RAF1: variants seen among roughly 807,000 people sequenced by gnomAD.
RAF1 encodes RAF proto-oncogene serine/threonine-protein kinase.
A neutral mutation model predicts 81.1 loss-of-function variants in RAF1; 27 were observed. The observed-to-expected ratio is 0.33, with a 90% CI of 0.25 to 0.46. The LOEUF (loss-of-function observed/expected upper bound fraction) is 0.46, where lower values mean the gene tolerates loss of function less well. Ranked by LOEUF, RAF1 falls within the 20% of genes least tolerant of loss-of-function variation. The pLI, the probability that RAF1 is intolerant of heterozygous loss-of-function variation, is 1.00. For synonymous variants in RAF1, 298 were observed against 294.0 expected, an observed-to-expected ratio of 1.01 and a Z score of -0.14; for missense variants, 598 against 826.0, an observed-to-expected ratio of 0.72 and a Z score of 3.38.
chr3:12,654,857 G>A (rs2060636971), intron 1 of RAF1, among the ~76,000 whole-genome samples: 2 of 150,892 alleles, frequency 1.3e-5, no homozygotes, highest in Admixed American at 6.6e-5. Flanking sequence ...GTTCTGGTTT[G>A]CCCATTACAT....
At chr3:12,662,849 T>C (rs1329708640) in intron 1 of RAF1, among the ~76,000 whole-genome samples, 2 of 152,044 alleles carry the variant, frequency 1.3e-5, no homozygotes, top group East Asian at 1.9e-4. Flanking sequence ...TCACACTGCA[T>C]TGTTTTCACG....
chr3:12,620,904 GT>G lies in RAF1; in HGVS notation c.-26-2158del, dbSNP rs1249932415. 6.3e-3 allele frequency among the ~76,000 whole-genome samples: 32 copies of G among 5,104 alleles called. No homozygotes were observed. In the African/African-American group the frequency reaches 0.11, roughly 17 times the overall value. The allele number at this position is 5,104 out of a possible 152,430, so 3.3% of individuals were successfully genotyped here. On this transcript the variant is annotated intron_variant, in intron 1 of 17. Coordinates refer to ENST00000442415, the MANE Select transcript of RAF1 (RefSeq NM_001354689.3). ...TCTACCATAACATTCAGAGTTCAGA[GT>G]TCAGTTCATTCAGAGTTCAGAGTTC...
intron 11 of RAF1, among the ~76,000 whole-genome samples, chr3:12,594,387 G>A (rs1412709357): frequency 1.3e-5 from 2 of 152,140 alleles, no homozygotes; most frequent in East Asian, 1.9e-4. Flanking sequence ...CTGGATGATC[G>A]CTCAGGGGGA....
chr3:12,642,833 G>A (rs922849866), intron 1 of RAF1, among the ~76,000 whole-genome samples: 2 of 151,184 alleles, frequency 1.3e-5, no homozygotes, highest in African/African-American at 4.9e-5. Context: ...GCTGCAGAGA[G>A]CCATGATCAC....
intron 1 of RAF1, among the ~76,000 whole-genome samples, chr3:12,656,789 G>A (rs1278556793): frequency 1.3e-5 from 2 of 152,094 alleles, no homozygotes; most frequent in Non-Finnish European, 2.9e-5. Context: ...CTGCAGTCAG[G>A]AGTTCAAGAC....
At chr3:12,598,328 G>A (rs963171435) in intron 11 of RAF1, among the ~76,000 whole-genome samples, 3 of 152,100 alleles carry the variant, frequency 2.0e-5, no homozygotes, top group Non-Finnish European at 4.4e-5. Context: ...ATTTTCAAAG[G>A]AAAAGGAATC....
At chr3:12,662,901 A>T (rs1197993124) in intron 1 of RAF1, among the ~76,000 whole-genome samples, 1 of 152,090 alleles carries the variant, frequency 6.6e-6, no homozygotes, top group African/African-American at 2.4e-5. Context: ...CACTCAGCCC[A>T]CAGAGGACCA....
At chr3:12,608,498 C>T (rs889944763) in intron 5 of RAF1, 15 of 495,150 alleles carry the variant, frequency 3.0e-5, no homozygotes, top group Admixed American at 1.7e-4. Context: ...TATCCTTTTG[C>T]TCCTTTCCTT....
intron 1 of RAF1, among the ~76,000 whole-genome samples, chr3:12,660,928 C>T (rs1008075662): frequency 6.6e-6 from 1 of 152,100 alleles, no homozygotes; most frequent in Non-Finnish European, 1.5e-5. Flanking sequence ...GAGCCAAGAT[C>T]GCACCACTGC....
At chr3:12,617,473 G>C (rs973639180) in intron 2 of RAF1, among the ~76,000 whole-genome samples, 2 of 152,116 alleles carry the variant, frequency 1.3e-5, no homozygotes, top group East Asian at 1.9e-4. Flanking sequence ...GACTGGTCTC[G>C]AACTCCTGAG....
chr3:12,605,250 A>ATATG (rs1553613998), intron 6 of RAF1, among the ~76,000 whole-genome samples: 3,308 of 144,592 alleles, frequency 0.023, 60 homozygotes, highest in Middle Eastern at 0.029. Flanking sequence ...ATTACACATT[A>ATATG]TGTGTGTGTG....
chr3:12,585,648 C>T (rs1179659186), intron 15 of RAF1, 33 bp downstream of exon 14: 6 of 1,544,526 alleles, frequency 3.9e-6, no homozygotes, highest in Non-Finnish European at 5.4e-6. Flanking sequence ...TTGCCCTATA[C>T]CAGAGACTGC....
At chr3:12,657,377 G>T (rs774224159) in intron 1 of RAF1, among the ~76,000 whole-genome samples, 1 of 152,150 alleles carries the variant, frequency 6.6e-6, no homozygotes, top group African/African-American at 2.4e-5. Flanking sequence ...AAAGGAGAAC[G>T]TAGAATAACT....
chr3:12,599,044 T>G (rs1246415857), intron 11 of RAF1: 3 of 152,546 alleles, frequency 2.0e-5, no homozygotes, highest in Non-Finnish European at 2.9e-5. Context: ...AGAGAAATGC[T>G]AAGTATGTTG....
At chr3:12,647,287 C>G (rs559107673) in intron 1 of RAF1, among the ~76,000 whole-genome samples, 1 of 105,436 alleles carries the variant, frequency 9.5e-6, no homozygotes, top group Admixed American at 1.1e-4. Context: ...CAGAGCGAGA[C>G]TCCATCTCAA....
At chr3:12,630,930 A>C (rs964671830) in intron 1 of RAF1, among the ~76,000 whole-genome samples, 1 of 152,196 alleles carries the variant, frequency 6.6e-6, no homozygotes, top group Non-Finnish European at 1.5e-5. Flanking sequence ...CAGCCTCCTG[A>C]GTAGCTGGGA....
chr3:12,638,027 C>CT (rs2060080886), intron 1 of RAF1, among the ~76,000 whole-genome samples: 1 of 152,136 alleles, frequency 6.6e-6, no homozygotes, highest in Non-Finnish European at 1.5e-5. Context: ...CAAGTGTATC[C>CT]TACCCTTCCC....
chr3:12,631,258 G>C (rs1164548453), intron 1 of RAF1, among the ~76,000 whole-genome samples: 1 of 152,142 alleles, frequency 6.6e-6, no homozygotes, highest in Non-Finnish European at 1.5e-5. Flanking sequence ...CTGGGCAGAA[G>C]AACTGTAAAA....
At chr3:12,591,948 G>A (rs1222625337) in intron 11 of RAF1, 156 bp from the exon 11 acceptor site, 34 of 675,682 alleles carry the variant, frequency 5.0e-5, no homozygotes, top group Non-Finnish European at 1.3e-5. Context: ...TTTTGAGACA[G>A]GGTCTCACTC....
Sources: allele counts gnomAD v4.1 joint callset (sites outside exome capture counted in the v4.1 genomes callset), GRCh38; gene constraint gnomAD v4.1.1; transcripts MANE v1.5; gene names NCBI Gene and HGNC (gene_info 2026-07-23, HGNC 2026-07-21).